The following NTM variants were observed in gnomAD, a reference collection of about 807,000 sequenced individuals.
NTM encodes the protein neurotrimin.
In NTM, 13 loss-of-function variants were observed where a neutral mutation model predicts 42.1. That is an observed-to-expected ratio of 0.31 (90% CI 0.20 to 0.49). The LOEUF (loss-of-function observed/expected upper bound fraction) is 0.49. Ranked by LOEUF, NTM falls within the 20% of genes least tolerant of loss-of-function variation. The pLI, the probability that NTM is intolerant of heterozygous loss-of-function variation, is 0.99. For synonymous variants in NTM, 187 were observed against 179.2 expected, an observed-to-expected ratio of 1.04 and a Z score of -0.35; for missense variants, 373 against 452.8, an observed-to-expected ratio of 0.82 and a Z score of 1.60.
chr11:132,120,171 A>G (rs2064549390), intron 2 of NTM, among the ~76,000 whole-genome samples: 1 of 149,586 alleles, frequency 6.7e-6, no homozygotes, highest in Non-Finnish European at 1.5e-5. Flanking sequence ...TTATGTTGCT[A>G]TTTTCTTTCT....
At chr11:132,222,598 C>G (rs1400455911) in intron 4 of NTM, among the ~76,000 whole-genome samples, 1 of 152,080 alleles carries the variant, frequency 6.6e-6, no homozygotes, top group Non-Finnish European at 1.5e-5. Context: ...TCCTCAAGGC[C>G]CCAGTCTGCC....
intron 1 of NTM, among the ~76,000 whole-genome samples, chr11:131,449,957 A>G (rs976809769): frequency 6.6e-6 from 1 of 152,160 alleles, no homozygotes. Flanking sequence ...TCACGCACGC[A>G]TTGGATTAGG....
At chr11:131,903,220 T>G (rs1486217662) in intron 1 of NTM, among the ~76,000 whole-genome samples, 1 of 152,220 alleles carries the variant, frequency 6.6e-6, no homozygotes, top group East Asian at 1.9e-4. Flanking sequence ...AACCCGGATA[T>G]TCCAATAGTC....
At chr11:132,286,856 G>A (rs1239132276) in intron 4 of NTM, among the ~76,000 whole-genome samples, 4 of 152,136 alleles carry the variant, frequency 2.6e-5, no homozygotes, top group Non-Finnish European at 2.9e-5. Context: ...CCATCTGTTC[G>A]CAGGATCCCT....
chr11:131,915,269 C>T (rs984761657), intron 2 of NTM, among the ~76,000 whole-genome samples: 1 of 152,178 alleles, frequency 6.6e-6, no homozygotes, highest in African/African-American at 2.4e-5. Flanking sequence ...TATTCAGGAC[C>T]CTTTGGATTC....
intron 1 of NTM, among the ~76,000 whole-genome samples, chr11:131,664,493 GCAAAATTAGCCTGCCAATCACT>G (rs1310074711): frequency 6.6e-6 from 1 of 152,128 alleles, no homozygotes; most frequent in Non-Finnish European, 1.5e-5. Context: ...CTAGTGGAGA[GCAAAATTAGCCTGCCAATCACT>G]CAGAGGCGTA....
intron 1 of NTM, among the ~76,000 whole-genome samples, chr11:131,806,770 T>C (rs1238778926): frequency 2.0e-5 from 3 of 152,238 alleles, no homozygotes; most frequent in African/African-American, 7.2e-5. Context: ...GAAAAACCAG[T>C]CCAATTCAAC....
intron 1 of NTM, among the ~76,000 whole-genome samples, chr11:131,521,555 C>A (rs2049726427): frequency 6.6e-6 from 1 of 151,178 alleles, no homozygotes; most frequent in African/African-American, 2.4e-5. Flanking sequence ...ACTGCAAGGG[C>A]CCGAGGTGCC....
intron 6 of NTM, 169 bp from the exon 7 acceptor site, chr11:132,314,383 G>C (rs1565456852): frequency 6.9e-6 from 2 of 289,788 alleles, no homozygotes; most frequent in South Asian, 2.6e-4. Context: ...GTCACTCACT[G>C]TCTGTGAACT....
At chr11:131,493,178 G>A (rs932579594) in intron 1 of NTM, among the ~76,000 whole-genome samples, 14 of 152,142 alleles carry the variant, frequency 9.2e-5, no homozygotes, top group South Asian at 2.1e-4. Flanking sequence ...GGTTGATGCC[G>A]TAGTGAGCCG....
chr11:131,863,795 T>C (rs1022390062), intron 1 of NTM, among the ~76,000 whole-genome samples: 9 of 152,190 alleles, frequency 5.9e-5, no homozygotes, highest in Non-Finnish European at 1.2e-4. Context: ...CAATCAAACA[T>C]GAGCTCCCAT....
At chr11:131,481,529 G>A (rs1953589432) in intron 1 of NTM, among the ~76,000 whole-genome samples, 1 of 152,200 alleles carries the variant, frequency 6.6e-6, no homozygotes, top group South Asian at 2.1e-4. Context: ...GCCAGCAATG[G>A]CAAACATGAG....
chr11:131,615,903 C>T (rs969749244), intron 1 of NTM, among the ~76,000 whole-genome samples: 1 of 152,234 alleles, frequency 6.6e-6, no homozygotes, highest in African/African-American at 2.4e-5. Context: ...CACGGCAGGA[C>T]CTCTGCTTCC....
intron 1 of NTM, among the ~76,000 whole-genome samples, chr11:131,832,967 G>A (rs2043012417): frequency 6.6e-6 from 1 of 152,180 alleles, no homozygotes; most frequent in Non-Finnish European, 1.5e-5. Context: ...GAACTAATTT[G>A]CTCATAGAGT....
At chr11:131,730,756 A>C (rs911070035) in intron 1 of NTM, among the ~76,000 whole-genome samples, 3 of 151,698 alleles carry the variant, frequency 2.0e-5, no homozygotes, top group African/African-American at 7.3e-5. Flanking sequence ...AGAAAAGAGC[A>C]GGGAATCTAC....
At chr11:131,669,362 C>T (rs1203063124) in intron 1 of NTM, among the ~76,000 whole-genome samples, 1 of 152,194 alleles carries the variant, frequency 6.6e-6, no homozygotes, top group Non-Finnish European at 1.5e-5. Context: ...TGGTTTCCTG[C>T]TCTGAGAACT....
At chr11:131,869,522 T>C (rs902373907) in intron 1 of NTM, among the ~76,000 whole-genome samples, 1 of 152,220 alleles carries the variant, frequency 6.6e-6, no homozygotes, top group Non-Finnish European at 1.5e-5. Flanking sequence ...TGCTCATCTT[T>C]TGTCCCAAGT....
intron 2 of NTM, among the ~76,000 whole-genome samples, chr11:131,969,194 C>T (rs76567728): frequency 6.6e-6 from 1 of 152,184 alleles, no homozygotes; most frequent in Non-Finnish European, 1.5e-5. Flanking sequence ...CCCCTTTCCT[C>T]CTCAAGGCTC....
chr11:131,542,784 G>GAAGA (rs1468504559), intron 1 of NTM, among the ~76,000 whole-genome samples: 1 of 152,156 alleles, frequency 6.6e-6, no homozygotes, highest in Admixed American at 6.5e-5. Flanking sequence ...GGGAGGGAAG[G>GAAGA]AAGAAAGAGC....
Sources: gnomAD v4.1 joint callset for allele counts (sites outside exome capture counted in the v4.1 genomes callset) on GRCh38, gnomAD v4.1.1 for gene constraint, MANE v1.5 for transcripts, NCBI Gene and HGNC (gene_info 2026-07-23, HGNC 2026-07-21) for gene names.